Variants in GPC5 observed in about 807,000 individuals in gnomAD.
The protein encoded by GPC5 is glypican 5, also known as glypican-5.
GPC5 carries 47 observed loss-of-function variants against 53.9 expected under a neutral mutation model. The observed-to-expected ratio is 0.87, with a 90% CI of 0.69 to 1.11. GPC5 has a LOEUF of 1.11. Ranked by LOEUF, GPC5 falls within the 50% of genes most tolerant of loss-of-function variation. GPC5 has a pLI of 0.00. For synonymous variants in GPC5, 286 were observed against 263.3 expected, an observed-to-expected ratio of 1.09 and a Z score of -0.84; for missense variants, 748 against 713.1, an observed-to-expected ratio of 1.05 and a Z score of -0.56.
At chr13:92,553,988 TA>T (rs1882409124) in intron 7 of GPC5, among the ~76,000 whole-genome samples, 1 of 151,948 alleles carries the variant, frequency 6.6e-6, no homozygotes, top group Non-Finnish European at 1.5e-5. Flanking sequence ...ATAGTAAAAA[TA>T]TTTTTGTAGC....
chr13:91,488,223 T>A (rs1883727955), intron 2 of GPC5, among the ~76,000 whole-genome samples: 1 of 152,208 alleles, frequency 6.6e-6, no homozygotes, highest in African/African-American at 2.4e-5. Flanking sequence ...AAACTGATGT[T>A]CTGTATTTTA....
chr13:92,257,355 A>T (rs2042733324), intron 7 of GPC5, among the ~76,000 whole-genome samples: 2 of 152,006 alleles, frequency 1.3e-5, no homozygotes, highest in African/African-American at 4.8e-5. Flanking sequence ...TATGGTTTTC[A>T]TAATATGTGA....
chr13:91,817,338 G>T lies in GPC5; in HGVS notation c.1280+60918G>T, dbSNP rs1277808936. 1.3e-5 allele frequency among the ~76,000 whole-genome samples: 2 copies of T among 152,124 alleles called. 1 individual carries two copies. The highest frequency in any genetic ancestry group is 2.9e-5 in the Non-Finnish European group (2 of 68,016). ...GGAACAAATGTTACAAAAGAATCAG[G>T]ATAATAACTACATCTTTTGGAATCC... On this transcript the variant is annotated intron_variant, in intron 5 of 7. Coordinates refer to ENST00000377067, the MANE Select transcript of GPC5 (RefSeq NM_004466.6).
chr13:91,443,042 T>C (rs1880547134), intron 1 of GPC5, among the ~76,000 whole-genome samples: 2 of 152,214 alleles, frequency 1.3e-5, no homozygotes, highest in South Asian at 4.1e-4. Context: ...AAAAAATCAA[T>C]ACAGTCCCAT....
At chr13:92,778,602 G>A (rs1259802668) in intron 7 of GPC5, among the ~76,000 whole-genome samples, 1 of 152,120 alleles carries the variant, frequency 6.6e-6, no homozygotes, top group Non-Finnish European at 1.5e-5. Flanking sequence ...CCTCACTAAG[G>A]AATGGTGAAA....
intron 7 of GPC5, among the ~76,000 whole-genome samples, chr13:92,454,777 T>A (rs1454476246): frequency 2.0e-5 from 3 of 152,172 alleles, no homozygotes; most frequent in Non-Finnish European, 4.4e-5. Context: ...CATTTGGTGT[T>A]CATCATTTTT....
At chr13:92,123,946 T>C (rs2041672205) in intron 6 of GPC5, among the ~76,000 whole-genome samples, 1 of 152,152 alleles carries the variant, frequency 6.6e-6, no homozygotes, top group Non-Finnish European at 1.5e-5. Context: ...TGAATAGCAT[T>C]GAGTTTGCAT....
intron 6 of GPC5, among the ~76,000 whole-genome samples, chr13:92,135,691 G>T (rs1285884120): frequency 6.6e-6 from 1 of 152,102 alleles, no homozygotes; most frequent in African/African-American, 2.4e-5. Flanking sequence ...TTTATAAATT[G>T]CCAGACTGCA....
intron 7 of GPC5, among the ~76,000 whole-genome samples, chr13:92,601,996 C>G (rs982713384): frequency 6.6e-6 from 1 of 150,948 alleles, no homozygotes; most frequent in African/African-American, 2.4e-5. Context: ...ACTTTTATGG[C>G]GGCAGAAATT....
At chr13:92,861,936 G>GT (rs1468746035) in intron 7 of GPC5, among the ~76,000 whole-genome samples, 2 of 152,120 alleles carry the variant, frequency 1.3e-5, no homozygotes, top group African/African-American at 4.8e-5. Flanking sequence ...CCAGAAAGAT[G>GT]TTTTGATTAA....
intron 6 of GPC5, among the ~76,000 whole-genome samples, chr13:92,012,453 G>A (rs897200440): frequency 1.3e-5 from 2 of 151,826 alleles, no homozygotes; most frequent in Non-Finnish European, 2.9e-5. Flanking sequence ...TGCATATTTG[G>A]ATGCCAGAGA....
chr13:92,823,470 C>T (rs1877742477), intron 7 of GPC5, among the ~76,000 whole-genome samples: 1 of 151,860 alleles, frequency 6.6e-6, no homozygotes, highest in Non-Finnish European at 1.5e-5. Context: ...GCTTGAGTGA[C>T]CAGGAAAAGA....
At chr13:92,764,967 A>G (rs1368616151) in intron 7 of GPC5, among the ~76,000 whole-genome samples, 1 of 152,206 alleles carries the variant, frequency 6.6e-6, no homozygotes, top group Non-Finnish European at 1.5e-5. Flanking sequence ...GACTCAGACC[A>G]CACACTTTGT....
chr13:92,431,552 A>G (rs1279539356), intron 7 of GPC5, among the ~76,000 whole-genome samples: 2 of 152,168 alleles, frequency 1.3e-5, no homozygotes. Context: ...ACATTGATAT[A>G]ATTAATATTT....
intron 7 of GPC5, among the ~76,000 whole-genome samples, chr13:92,723,457 A>C (rs1001220162): frequency 7.7e-5 from 9 of 117,282 alleles, no homozygotes; most frequent in South Asian, 6.0e-4. Context: ...CCATATTGGT[A>C]AAATGGCCAT....
chr13:91,438,054 T>A (rs1332752354), intron 1 of GPC5, among the ~76,000 whole-genome samples: 1 of 152,178 alleles, frequency 6.6e-6, no homozygotes, highest in Non-Finnish European at 1.5e-5. Context: ...TTATTCTAGT[T>A]AACCATTCGT....
intron 4 of GPC5, among the ~76,000 whole-genome samples, chr13:91,753,801 G>T (rs963065670): frequency 5.3e-5 from 8 of 152,006 alleles, no homozygotes; most frequent in East Asian, 1.9e-4. Context: ...TGTTTGGTTT[G>T]CATGGAACAC....
At chr13:91,652,788 A>G (rs1270729848) in intron 2 of GPC5, among the ~76,000 whole-genome samples, 1 of 152,220 alleles carries the variant, frequency 6.6e-6, no homozygotes, top group Non-Finnish European at 1.5e-5. Flanking sequence ...GTCAACTTAA[A>G]GGGAATTTCT....
At chr13:92,038,654 A>G (rs1193165781) in intron 6 of GPC5, among the ~76,000 whole-genome samples, 1 of 148,298 alleles carries the variant, frequency 6.7e-6, no homozygotes, top group Non-Finnish European at 1.5e-5. Flanking sequence ...TGTACAATAA[A>G]CACTTTAGTA....
Sources: allele counts gnomAD v4.1 joint callset (sites outside exome capture counted in the v4.1 genomes callset), GRCh38; gene constraint gnomAD v4.1.1; transcripts MANE v1.5; gene names NCBI Gene and HGNC (gene_info 2026-07-23, HGNC 2026-07-21).